KCNMA1: variants seen among roughly 807,000 people sequenced by gnomAD.
KCNMA1 encodes Calcium-activated potassium channel subunit alpha-1.
Under a neutral mutation model 140.0 loss-of-function variants are expected in KCNMA1, and 29 were observed. The ratio of observed to expected loss-of-function variants is 0.21; its 90% CI spans 0.15 to 0.28. The LOEUF (loss-of-function observed/expected upper bound fraction) is 0.28, where lower values mean the gene tolerates loss of function less well. KCNMA1 is among the 10% of genes least tolerant of loss of function. The pLI is 1.00. For missense variants in KCNMA1, 880 were observed against 1,602.2 expected (o/e 0.55, Z 7.70); for synonymous variants, 612 against 611.9 (o/e 1.00, Z 0.00).
intron 2 of KCNMA1, among the ~76,000 whole-genome samples, chr10:77,330,103 T>C (rs936788695): frequency 6.6e-6 from 1 of 152,180 alleles, no homozygotes; most frequent in African/African-American, 2.4e-5. Flanking sequence ...CCTTCTATCC[T>C]CTGCCTGAGA....
At chr10:77,404,145 A>G in intron 1 of KCNMA1, 122 bp from the exon 2 acceptor site, 2 of 865,328 alleles carry the variant, frequency 2.3e-6, no homozygotes, top group African/African-American at 1.6e-5. Flanking sequence ...GCTTAAAGGT[A>G]TAGGAGTAAA....
rs2070092899 is a variant in KCNMA1 at position 76,959,603 on chromosome 10, T to C, written c.2361-5679A>G. 2.0e-5 allele frequency among the ~76,000 whole-genome samples: 3 copies of C among 152,190 alleles called. No homozygotes were observed. The South Asian group carries it at 6.2e-4, about 32-fold the overall frequency. On this transcript the variant is annotated intron_variant, in intron 20 of 27. Coordinates refer to ENST00000286628, the MANE Select transcript of KCNMA1 (RefSeq NM_001161352.2). ...TCTTATGGTTATCATCCTTTATACT[T>C]TGCTTAGGACCCACTCATGTATTAC...
intron 2 of KCNMA1, among the ~76,000 whole-genome samples, chr10:77,357,939 G>A (rs1482042516): frequency 6.6e-6 from 1 of 152,108 alleles, no homozygotes; most frequent in Non-Finnish European, 1.5e-5. Context: ...TGGGGGTCTC[G>A]GGAACACCAA....
intron 19 of KCNMA1, among the ~76,000 whole-genome samples, chr10:77,001,121 C>T (rs2086287492): frequency 6.6e-6 from 1 of 151,678 alleles, no homozygotes; most frequent in Non-Finnish European, 1.5e-5. Context: ...CTTTAATTTC[C>T]ATTTATATTT....
intron 5 of KCNMA1, among the ~76,000 whole-genome samples, chr10:77,133,329 C>T (rs1013210915): frequency 2.6e-5 from 4 of 151,698 alleles, no homozygotes; most frequent in South Asian, 4.2e-4. Flanking sequence ...TATGGAAAGA[C>T]AGAGATTCAC....
At chr10:76,984,830 G>C (rs1018333142) in intron 19 of KCNMA1, among the ~76,000 whole-genome samples, 1 of 152,176 alleles carries the variant, frequency 6.6e-6, no homozygotes, top group African/African-American at 2.4e-5. Flanking sequence ...CTTAGCAATT[G>C]AGGGGCATTG....
At chr10:77,567,547 G>T (rs553602529) in intron 1 of KCNMA1, among the ~76,000 whole-genome samples, 18 of 152,330 alleles carry the variant, frequency 1.2e-4, no homozygotes, top group African/African-American at 4.3e-4. Context: ...CCTTCCTAAG[G>T]GAGAAACTAT....
At chr10:76,947,038 T>C (rs1450882373) in intron 22 of KCNMA1, among the ~76,000 whole-genome samples, 6 of 152,150 alleles carry the variant, frequency 3.9e-5, no homozygotes, top group African/African-American at 1.4e-4. Context: ...AGTGAACGTG[T>C]ACAAGGGCAC....
intron 16 of KCNMA1, among the ~76,000 whole-genome samples, chr10:77,024,345 A>G (rs2093188433): frequency 6.6e-6 from 1 of 152,096 alleles, no homozygotes; most frequent in African/African-American, 2.4e-5. Flanking sequence ...TCAAAAAAAC[A>G]ACAGAAGAAT....
intron 2 of KCNMA1, among the ~76,000 whole-genome samples, chr10:77,284,560 C>G (rs943211499): frequency 1.3e-5 from 2 of 152,146 alleles, no homozygotes; most frequent in Admixed American, 6.5e-5. Flanking sequence ...GTTGCCCAGG[C>G]TGGAGTGCAG....
intron 2 of KCNMA1, among the ~76,000 whole-genome samples, chr10:77,352,946 GA>G (rs2154388950): frequency 6.6e-6 from 1 of 152,326 alleles, no homozygotes; most frequent in South Asian, 2.1e-4. Context: ...GACTTAGTTG[GA>G]AAGGCAAAGG....
intron 5 of KCNMA1, among the ~76,000 whole-genome samples, chr10:77,177,104 A>G (rs528900940): frequency 2.5e-4 from 38 of 152,248 alleles, no homozygotes; most frequent in African/African-American, 8.9e-4. Context: ...AGGCAAGGAC[A>G]TGGAATCTTC....
chr10:77,452,564 T>C (rs2097683519), intron 1 of KCNMA1, among the ~76,000 whole-genome samples: 1 of 152,204 alleles, frequency 6.6e-6, no homozygotes, highest in South Asian at 2.1e-4. Flanking sequence ...AGTCCTTTCA[T>C]GCGATGGAGG....
At position 77,637,238 on chromosome 10, in the gene KCNMA1, AG is replaced by A. The variant is rs1381840131; in HGVS notation, c.378+26del. The A allele has an allele frequency of 9.5e-6, 15 of 1,576,686 alleles. No individual in the cohort carries two copies. In the African/African-American group the frequency reaches 1.8e-4, roughly 18 times the overall value. On this transcript the variant is annotated intron_variant, in intron 1 of 27. Transcript: ENST00000286628. The stretch of plus-strand genomic sequence containing the variant: ...CCGAGAAGCGGTGGGGCTGGCGCAG[AG>A]GGCGGGCGCCCGGGGCGCGCGTTAC...
intron 5 of KCNMA1, among the ~76,000 whole-genome samples, chr10:77,160,482 C>T (rs12220064): frequency 0.035 from 5,274 of 152,298 alleles, 163 homozygotes; most frequent in East Asian, 0.15. Flanking sequence ...CATAACTCAT[C>T]CCATCTGAAT....
chr10:77,212,004 T>C (rs2046244174), intron 3 of KCNMA1, among the ~76,000 whole-genome samples: 1 of 152,236 alleles, frequency 6.6e-6, no homozygotes, highest in Non-Finnish European at 1.5e-5. Context: ...GGTGGGAATG[T>C]AAATTTGTTC....
At chr10:77,384,186 G>A (rs917321320) in intron 2 of KCNMA1, among the ~76,000 whole-genome samples, 4 of 152,164 alleles carry the variant, frequency 2.6e-5, no homozygotes, top group East Asian at 3.8e-4. Flanking sequence ...AGCAAATACC[G>A]TGCCTCCATC....
At chr10:77,001,748 G>A (rs919731874) in intron 18 of KCNMA1, among the ~76,000 whole-genome samples, 168 bp from the exon 19 acceptor site, 1 of 152,138 alleles carries the variant, frequency 6.6e-6, no homozygotes, top group African/African-American at 2.4e-5. Flanking sequence ...TAACAGTTTG[G>A]TTGTACATCA....
chr10:77,251,101 T>C, intron 3 of KCNMA1, 94 bp downstream of exon 3: 1 of 992,536 alleles, frequency 1.0e-6, no homozygotes. Flanking sequence ...CAGAAGGTCT[T>C]GCAAAGGTTG....
Sources: allele counts gnomAD v4.1 joint callset (sites outside exome capture counted in the v4.1 genomes callset), GRCh38; gene constraint gnomAD v4.1.1; transcripts MANE v1.5; gene names NCBI Gene and HGNC (gene_info 2026-07-23, HGNC 2026-07-21).